Variants in PARD3 observed in about 807,000 individuals in gnomAD.
PARD3 encodes partitioning defective 3 homolog.
In PARD3, 75 loss-of-function variants were observed where a neutral mutation model predicts 155.4. That is an observed-to-expected ratio of 0.48 (90% confidence interval 0.40 to 0.58). PARD3 has a LOEUF of 0.58. Ranked by LOEUF, PARD3 falls within the 20% of genes least tolerant of loss-of-function variation. The probability of loss-of-function intolerance (pLI) is 0.00; values close to 1 mark genes in which losing one functional copy is unlikely to be tolerated. For synonymous variants in PARD3, 576 were observed against 610.5 expected (o/e 0.94, Z 0.83); for missense variants, 1,642 against 1,721.7 (o/e 0.95, Z 0.82).
intron 5 of PARD3, among the ~76,000 whole-genome samples, chr10:34,445,083 A>G (rs1156300576): frequency 6.6e-6 from 1 of 152,114 alleles, no homozygotes; most frequent in Non-Finnish European, 1.5e-5. Context: ...AGCATACAAA[A>G]TATTTTTTCA....
intron 2 of PARD3, among the ~76,000 whole-genome samples, chr10:34,628,029 C>G (rs1169383060): frequency 6.6e-6 from 1 of 152,074 alleles, no homozygotes; most frequent in Admixed American, 6.5e-5. Context: ...ACGTTGTGCC[C>G]TAATCTGCCC....
chr10:34,252,158 T>G (rs1954351262), intron 22 of PARD3, among the ~76,000 whole-genome samples: 1 of 152,136 alleles, frequency 6.6e-6, no homozygotes, highest in African/African-American at 2.4e-5. Flanking sequence ...TACCTGCGTG[T>G]GGTCACGTCA....
intron 1 of PARD3, among the ~76,000 whole-genome samples, chr10:34,744,474 C>T (rs1484823956): frequency 6.6e-6 from 1 of 152,226 alleles, no homozygotes; most frequent in Non-Finnish European, 1.5e-5. Context: ...TGAGGTCTGC[C>T]TTCCAGCTGT....
intron 22 of PARD3, among the ~76,000 whole-genome samples, chr10:34,236,611 G>A (rs763123921): frequency 3.3e-5 from 5 of 152,118 alleles, no homozygotes; most frequent in African/African-American, 7.2e-5. Context: ...AACCCTGACC[G>A]CCTTGCAACA....
chr10:34,388,029 G>A (rs914873118), intron 7 of PARD3, among the ~76,000 whole-genome samples: 1 of 152,130 alleles, frequency 6.6e-6, no homozygotes, highest in African/African-American at 2.4e-5. Flanking sequence ...ATTGTTATAA[G>A]TCATGAAAAT....
intron 2 of PARD3, among the ~76,000 whole-genome samples, chr10:34,542,234 T>TGTGTGTGTGTGTGCGCAC (rs143582528): frequency 1.4e-5 from 2 of 146,300 alleles, no homozygotes; most frequent in Non-Finnish European, 3.0e-5. Context: ...TGTGTGTGTG[T>TGTGTGTGTGTGTGCGCAC]GTGTGCACAC....
At chr10:34,661,095 C>T (rs2093314977) in intron 2 of PARD3, among the ~76,000 whole-genome samples, 1 of 152,142 alleles carries the variant, frequency 6.6e-6, no homozygotes, top group Non-Finnish European at 1.5e-5. Flanking sequence ...ACTAATGGGA[C>T]TGGTGGAGAT....
chr10:34,150,120 C>A (rs1295591620), intron 22 of PARD3, among the ~76,000 whole-genome samples: 1 of 152,150 alleles, frequency 6.6e-6, no homozygotes, highest in Non-Finnish European at 1.5e-5. Context: ...TCTGATACCC[C>A]TTATAGAAAT....
chr10:34,145,219 ATATTTT>A (rs1394734144), intron 22 of PARD3, among the ~76,000 whole-genome samples: 167 of 53,502 alleles, frequency 3.1e-3, no homozygotes, highest in African/African-American at 8.6e-3. Flanking sequence ...ATATATATAT[ATATTTT>A]TTTTTTTTTT....
At chr10:34,512,199 G>C (rs1261468189) in intron 3 of PARD3, among the ~76,000 whole-genome samples, 1 of 152,150 alleles carries the variant, frequency 6.6e-6, no homozygotes, top group Non-Finnish European at 1.5e-5. Context: ...TACATAAAAA[G>C]CAAGTATTTG....
In PARD3 at chr10:34,491,181, C is replaced by T. The variant is rs75543024; in HGVS notation, c.404-20918G>A. Among the ~76,000 whole-genome samples the T allele has an allele frequency of 1.3e-3, 202 of 152,308 alleles. 1 individual carries two copies. The highest frequency in any genetic ancestry group is 4.5e-3 in the African/African-American group (187 of 41,572). ...TTGCCTCATTTCAAGGGCTCTACAG[C>T]TTCATGGAGTCAGTGGTCACAGGAT... On this transcript the variant is annotated intron_variant, in intron 3 of 24. Transcript: ENST00000374788.
chr10:34,219,055 G>A (rs779195634), intron 22 of PARD3, among the ~76,000 whole-genome samples: 24 of 152,152 alleles, frequency 1.6e-4, no homozygotes, highest in African/African-American at 5.3e-4. Flanking sequence ...AAATGTTCAC[G>A]CTAAAAAGTC....
chr10:34,442,858 A>T (rs1003461507), intron 5 of PARD3, among the ~76,000 whole-genome samples: 1 of 152,228 alleles, frequency 6.6e-6, no homozygotes, highest in Non-Finnish European at 1.5e-5. Context: ...GCAACAGAGC[A>T]AGAACCCAGC....
chr10:34,623,021 G>C (rs1390175941), intron 2 of PARD3, among the ~76,000 whole-genome samples: 1 of 152,002 alleles, frequency 6.6e-6, no homozygotes, highest in African/African-American at 2.4e-5. Flanking sequence ...TATAAGAGCT[G>C]TAAGAGTGTA....
chr10:34,709,414 G>A (rs1030291484), intron 1 of PARD3, among the ~76,000 whole-genome samples: 2 of 152,166 alleles, frequency 1.3e-5, no homozygotes, highest in Non-Finnish European at 2.9e-5. Flanking sequence ...ATACACACAC[G>A]CAGGAATAAA....
At chr10:34,212,388 G>T (rs998396317) in intron 22 of PARD3, among the ~76,000 whole-genome samples, 1 of 152,044 alleles carries the variant, frequency 6.6e-6, no homozygotes, top group Non-Finnish European at 1.5e-5. Context: ...TTTCTAGCCC[G>T]ACCCCTGACA....
At chr10:34,714,956 T>C (rs944271685) in intron 1 of PARD3, among the ~76,000 whole-genome samples, 2 of 151,894 alleles carry the variant, frequency 1.3e-5, no homozygotes, top group African/African-American at 4.8e-5. Context: ...GTATTTTTTG[T>C]AGAGACGGCG....
At chr10:34,768,512 A>G (rs1838416468) in intron 1 of PARD3, among the ~76,000 whole-genome samples, 1 of 152,160 alleles carries the variant, frequency 6.6e-6, no homozygotes, top group South Asian at 2.1e-4. Context: ...AGCTTCTCCA[A>G]AGGAGGCAAT....
chr10:34,589,035 T>C lies in PARD3; in HGVS notation c.223-71876A>G, dbSNP rs555134195. Among the ~76,000 whole-genome samples, 7 of 152,296 alleles carry C rather than the reference T, an allele frequency of 4.6e-5. No homozygotes were observed. The East Asian group carries it at 5.8e-4, about 13-fold the overall frequency. On this transcript the variant is annotated intron_variant, in intron 2 of 24. Coordinates refer to ENST00000374788, the MANE Select transcript of PARD3 (RefSeq NM_001184785.2). ...TTCATTTGGTCCAGCCTGGACAGCA[T>C]AGTGATACCCTGTCTCTCTCTCTTT...
Sources: gnomAD v4.1 joint callset for allele counts (sites outside exome capture counted in the v4.1 genomes callset) on GRCh38, gnomAD v4.1.1 for gene constraint, MANE v1.5 for transcripts, NCBI Gene and HGNC (gene_info 2026-07-23, HGNC 2026-07-21) for gene names.